Variants in UGT1A3 observed in about 807,000 individuals in gnomAD.
UGT1A3 encodes UDP-glucuronosyltransferase 1A3.
A neutral mutation model predicts 41.0 loss-of-function variants in UGT1A3; 31 were observed. The ratio of observed to expected loss-of-function variants is 0.76; its 90% CI spans 0.57 to 1.02. The LOEUF (loss-of-function observed/expected upper bound fraction) is 1.02, where lower values mean the gene tolerates loss of function less well. UGT1A3 is among the 50% of genes least tolerant of loss of function. UGT1A3 has a pLI of 0.00. For synonymous variants in UGT1A3, 262 were observed against 257.6 expected (o/e 1.02, Z -0.17); for missense variants, 737 against 671.0 (o/e 1.10, Z -1.09).
chr2:233,760,308 C>G (rs780253764), intron 1 of UGT1A3: 1 of 1,613,678 alleles, frequency 6.2e-7, no homozygotes. Flanking sequence ...AGTCCCAGGG[C>G]GGACGCCCAC....
rs4148324 is a variant in UGT1A3 at position 233,764,076 on chromosome 2, T to G, written c.868-2958T>G. ...GAAATGCATTTGGGAAGGGAAAATC[T>G]AATTAAAAGCCTAAACTAAAAATAC... On this transcript the variant is annotated intron_variant, in intron 1 of 4. Transcript: ENST00000482026. Among the ~76,000 whole-genome samples, 54,742 of 151,994 alleles carry G rather than the reference T, an allele frequency of 0.36. 10,244 individuals carry two copies. Among genetic ancestry groups the G allele is most frequent in the African/African-American group, 0.44 (18,411 of 41,456 alleles).
chr2:233,768,255 G>A lies in UGT1A3; in HGVS notation c.1123G>A (p.Gly375Ser), dbSNP rs1276913504. The A allele has an allele frequency of 1.2e-6, 2 of 1,614,166 alleles. No homozygotes were observed. Among genetic ancestry groups the A allele is most frequent in the Non-Finnish European group, 8.5e-7 (1 of 1,180,040 alleles). ...PMTRAFITHAGSHGVYESICN... is the reference protein window; with the variant it reads ...PMTRAFITHASSHGVYESICN... Reference sequence around the variant, plus strand: ...GACCCGTGCCTTTATCACCCATGCTGGTTCCCATGGTGTTTATGAAAGCAT... The same window carrying A: ...GACCCGTGCCTTTATCACCCATGCTAGTTCCCATGGTGTTTATGAAAGCAT... The change falls in exon 4 of 5, where the codon GGT becomes AGT. Residue 375 changes from glycine to serine, a missense_variant. Gly to Ser is a moderately conservative substitution (Grantham distance 56, BLOSUM62 0). Coordinates refer to ENST00000482026, the MANE Select transcript of UGT1A3 (RefSeq NM_019093.4).
intron 1 of UGT1A3, among the ~76,000 whole-genome samples, chr2:233,741,293 A>G (rs1691617867): frequency 6.6e-6 from 1 of 151,772 alleles, no homozygotes; most frequent in Non-Finnish European, 1.5e-5. Context: ...TATGTACCCA[A>G]TTGTGTAGAT....
chr2:233,746,309 C>A (rs1693355389), intron 1 of UGT1A3, among the ~76,000 whole-genome samples: 1 of 151,738 alleles, frequency 6.6e-6, no homozygotes, highest in Admixed American at 6.5e-5. Context: ...CCTTGGAGGG[C>A]CCTGTAGATG....
intron 1 of UGT1A3, among the ~76,000 whole-genome samples, chr2:233,759,843 C>CA (rs1240131722): frequency 1.3e-5 from 2 of 152,184 alleles, no homozygotes; most frequent in African/African-American, 4.8e-5. Flanking sequence ...GGCACTCTTA[C>CA]AGGTTTCCAT....
At chr2:233,752,571 C>A (rs1486074220) in intron 1 of UGT1A3, 2 of 152,178 alleles carry the variant, frequency 1.3e-5, no homozygotes, top group African/African-American at 2.4e-5. Flanking sequence ...AGTGGGTCAA[C>A]ATCATTCCCA....
At chr2:233,760,458 A>C (rs1336419159) in intron 1 of UGT1A3, 1 of 1,614,212 alleles carries the variant, frequency 6.2e-7, no homozygotes, top group South Asian at 1.1e-5. Context: ...GACATGAAAT[A>C]GTTGTCCTAG....
intron 1 of UGT1A3, chr2:233,756,428 T>G (rs1464459350): frequency 6.6e-6 from 1 of 152,242 alleles, no homozygotes; most frequent in Non-Finnish European, 1.5e-5. Flanking sequence ...TACTGTTTTT[T>G]TTTCATTGTT....
At position 233,764,416 on chromosome 2, in the gene UGT1A3, C is replaced by A. The variant is rs559795881; in HGVS notation, c.868-2618C>A. ...GACAACTTCTCTGCAGTTTGCCCTGCGTGAATCTCCAGATGAACTTTTGTG... is the reference window on the plus strand; with the variant it reads ...GACAACTTCTCTGCAGTTTGCCCTGAGTGAATCTCCAGATGAACTTTTGTG... On this transcript the variant is annotated intron_variant, in intron 1 of 4. Transcript: ENST00000482026. Among the ~76,000 whole-genome samples, 6 of 152,272 alleles carry A rather than the reference C, an allele frequency of 3.9e-5. No individual in the cohort carries two copies. In the South Asian group the frequency reaches 8.3e-4, roughly 21 times the overall value.
Position 233,768,378 on chromosome 2 carries a change from G to T in UGT1A3, c.1246G>T (p.Val416Phe). 6.2e-7 allele frequency: 1 copy of T among 1,614,156 alleles called. No homozygotes were observed. The highest frequency in any genetic ancestry group is 1.1e-5 in the South Asian group (1 of 91,088). ...ETKGAGVTLNVLEMTSEDLEN... is the reference protein window; with the variant it reads ...ETKGAGVTLNFLEMTSEDLEN... ...TAAGGGAGCTGGAGTGACCCTGAAT[G>T]TTCTGGAAATGACTTCTGAAGATTT... Residue 416 changes from valine (V) to phenylalanine (F), a missense_variant, in exon 4 of 5, where the codon GTT (valine) becomes TTT (phenylalanine). Transcript: ENST00000482026.
Position 233,769,517 on chromosome 2 carries a change from G to C in UGT1A3, c.1307+1078G>C. The C allele has an allele frequency of 6.2e-7, 1 of 1,612,844 alleles. No individual in the cohort carries two copies. The highest frequency in any genetic ancestry group is 8.5e-7 in the Non-Finnish European group (1 of 1,179,874). On this transcript the variant is annotated intron_variant, in intron 4 of 4. Coordinates refer to ENST00000482026, the MANE Select transcript of UGT1A3 (RefSeq NM_019093.4). This position sits in a 1 kb window ranked among gnomAD's most constrained non-coding sequence, Gnocchi z 4.4. ...AGAGTGTCCATTGCTTTCTCCCATG[G>C]TTACCTCCTTTAGAAAGAAGCAGCA...
chr2:233,744,674 A>C (rs1324161550), intron 1 of UGT1A3, among the ~76,000 whole-genome samples: 16 of 151,928 alleles, frequency 1.1e-4, no homozygotes, highest in South Asian at 4.1e-4. Flanking sequence ...ATTACACATC[A>C]CCCATGTAGC....
chr2:233,752,969 A>G (rs553949581), intron 1 of UGT1A3, among the ~76,000 whole-genome samples: 2 of 152,310 alleles, frequency 1.3e-5, no homozygotes, highest in Non-Finnish European at 2.9e-5. Context: ...TATGTAACCA[A>G]TTGTGTAGAT....
Position 233,739,559 on chromosome 2 carries a change from G to A in UGT1A3, c.867+9566G>A, listed in dbSNP as rs1322307786. On this transcript the variant is annotated intron_variant, in intron 1 of 4. Coordinates refer to ENST00000482026, the MANE Select transcript of UGT1A3 (RefSeq NM_019093.4). ...TTTGGAGCTTTAAGATTTAATGACTGCCCTGCCTGGTTTTGGACTTGCATG... is the reference window on the plus strand; with the variant it reads ...TTTGGAGCTTTAAGATTTAATGACTACCCTGCCTGGTTTTGGACTTGCATG... 2.6e-5 allele frequency among the ~76,000 whole-genome samples: 4 copies of A among 152,224 alleles called. No homozygotes were observed. In the South Asian group the frequency reaches 8.3e-4, roughly 31 times the overall value.
chr2:233,755,296 C>A (rs1695848823), intron 1 of UGT1A3: 2 of 630,266 alleles, frequency 3.2e-6, no homozygotes, highest in Admixed American at 6.1e-5. Flanking sequence ...GCCTGCGGGG[C>A]ACTGGCACAG....
At chr2:233,765,419 T>G (rs970448073) in intron 1 of UGT1A3, among the ~76,000 whole-genome samples, 3 of 152,166 alleles carry the variant, frequency 2.0e-5, no homozygotes, top group Non-Finnish European at 4.4e-5. Context: ...TGGAATACTA[T>G]GCAGCCATAA....
rs544468002 is a variant in UGT1A3 at position 233,756,533 on chromosome 2, C to G, written c.868-10501C>G. Among the ~76,000 whole-genome samples, 22 of 152,166 alleles carry G rather than the reference C, an allele frequency of 1.4e-4. 2 individuals carry two copies. The South Asian group carries it at 3.5e-3, about 24-fold the overall frequency. ...TCAAATGTGCATGTTATTCACTTTT[C>G]TTGACTGCTAAAACAACCAGGGAGA... On this transcript the variant is annotated intron_variant, in intron 1 of 4. Coordinates refer to ENST00000482026, the MANE Select transcript of UGT1A3 (RefSeq NM_019093.4).
chr2:233,743,985 AGG>A, intron 1 of UGT1A3: 1 of 1,283,222 alleles, frequency 7.8e-7, no homozygotes, highest in South Asian at 1.3e-5. Context: ...ACCCAGGCGC[AGG>A]CCCGAGTGCT....
chr2:233,747,460 C>T, intron 1 of UGT1A3: 1 of 1,608,790 alleles, frequency 6.2e-7, no homozygotes, highest in Non-Finnish European at 8.5e-7. Context: ...TATGCCATTT[C>T]ATGGACCCAG....
Sources: gnomAD v4.1 joint callset for allele counts (sites outside exome capture counted in the v4.1 genomes callset) on GRCh38, gnomAD v4.1.1 for gene constraint, Gnocchi (gnomAD v3.1) non-coding constraint, MANE v1.5 for transcripts, NCBI Gene and HGNC (gene_info 2026-07-23, HGNC 2026-07-21) for gene names.